Variants in GPHN observed in about 807,000 individuals in gnomAD.
The protein encoded by GPHN is gephyrin.
GPHN carries 17 observed loss-of-function variants against 95.5 expected under a neutral mutation model. The ratio of observed to expected loss-of-function variants is 0.18; its 90% CI spans 0.12 to 0.27. The LOEUF is 0.27. GPHN is among the 10% of genes least tolerant of loss of function. The probability of loss-of-function intolerance (pLI) is 1.00; values close to 1 mark genes in which losing one functional copy is unlikely to be tolerated. For missense variants in GPHN, 660 were observed against 978.1 expected, an observed-to-expected ratio of 0.67 and a Z score of 4.34; for synonymous variants, 320 against 322.5, an observed-to-expected ratio of 0.99 and a Z score of 0.08.
intron 18 of GPHN, among the ~76,000 whole-genome samples, chr14:67,144,151 C>T (rs1487039844): frequency 2.0e-5 from 3 of 147,614 alleles, no homozygotes; most frequent in East Asian, 2.0e-4. Context: ...GTGGGAGGAT[C>T]GCTTGAGCCT....
At chr14:67,052,238 G>A (rs1034118480) in intron 10 of GPHN, among the ~76,000 whole-genome samples, 1 of 151,958 alleles carries the variant, frequency 6.6e-6, no homozygotes, top group African/African-American at 2.4e-5. Flanking sequence ...GACACACATA[G>A]GCTCAAAATA....
intron 5 of GPHN, among the ~76,000 whole-genome samples, chr14:66,914,204 A>G (rs1202496319): frequency 6.6e-6 from 1 of 152,176 alleles, no homozygotes; most frequent in African/African-American, 2.4e-5. Context: ...TAAGGTGTCA[A>G]CCTAGAGCAA....
chr14:66,981,960 T>G (rs1311386465), intron 9 of GPHN, among the ~76,000 whole-genome samples: 2 of 152,122 alleles, frequency 1.3e-5, no homozygotes, highest in African/African-American at 2.4e-5. Flanking sequence ...ACACAAAATA[T>G]ACAACATTTT....
chr14:67,000,236 G>A (rs563644711), intron 9 of GPHN, among the ~76,000 whole-genome samples: 2 of 151,752 alleles, frequency 1.3e-5, no homozygotes, highest in Admixed American at 6.6e-5. Context: ...GCAAACAGAA[G>A]TTTCAGTTAA....
intron 9 of GPHN, among the ~76,000 whole-genome samples, chr14:66,996,893 A>AT (rs146590994): frequency 0.051 from 7,743 of 152,130 alleles, 222 homozygotes; most frequent in Middle Eastern, 0.068. Context: ...AGGAGGTTTA[A>AT]TTTTTTATCC....
chr14:66,565,990 C>G lies in GPHN; in HGVS notation c.64+57399C>G, dbSNP rs550785846. Among the ~76,000 whole-genome samples, 14 of 147,798 alleles carry G rather than the reference C, an allele frequency of 9.5e-5. No homozygotes were observed. The East Asian group carries it at 2.0e-3, about 21-fold the overall frequency. On this transcript the variant is annotated intron_variant, in intron 1 of 22. Coordinates refer to ENST00000478722, the MANE Select transcript of GPHN (RefSeq NM_020806.5). Reference sequence around the variant, plus strand: ...ATTCTTTTTTTTTTTTGCTTTCTATCTATTCATTTTAAGATCTTCTGTTTC... The same window carrying G: ...ATTCTTTTTTTTTTTTGCTTTCTATGTATTCATTTTAAGATCTTCTGTTTC...
At chr14:67,010,105 T>A (rs1567208828) in intron 9 of GPHN, among the ~76,000 whole-genome samples, 1 of 151,936 alleles carries the variant, frequency 6.6e-6, no homozygotes, top group Non-Finnish European at 1.5e-5. Context: ...ATACATTCAG[T>A]AAAGAATATA....
chr14:67,366,045 G>A, the GPHN span, among the ~76,000 whole-genome samples: 3 of 150,758 alleles, frequency 2.0e-5, no homozygotes, highest in South Asian at 4.2e-4. Flanking sequence ...TCACATCACT[G>A]TCCTAGTAGT....
At chr14:67,266,869 G>A in the GPHN span, among the ~76,000 whole-genome samples, 1 of 151,968 alleles carries the variant, frequency 6.6e-6, no homozygotes, top group Admixed American at 6.5e-5. Context: ...CAGCATGTTG[G>A]GAGGCCGAGG....
At chr14:66,984,867 C>T (rs993888137) in intron 9 of GPHN, among the ~76,000 whole-genome samples, 1 of 151,594 alleles carries the variant, frequency 6.6e-6, no homozygotes, top group African/African-American at 2.4e-5. Flanking sequence ...TTTATTGCCT[C>T]CCTCTTTATC....
intron 8 of GPHN, among the ~76,000 whole-genome samples, chr14:66,959,984 A>C (rs1315524171): frequency 6.6e-6 from 1 of 151,836 alleles, no homozygotes; most frequent in Non-Finnish European, 1.5e-5. Flanking sequence ...AGATAATGTT[A>C]ATCACCTTAT....
At chr14:67,471,921 G>A in the GPHN span, 58,394 of 152,216 alleles carry the variant, frequency 0.38, 12,031 homozygotes, top group African/African-American at 0.53. Flanking sequence ...GTACCATGGG[G>A]TGGGCCACTT....
chr14:67,189,482 G>T, the GPHN span: 11 of 152,300 alleles, frequency 7.2e-5, no homozygotes, highest in Middle Eastern at 0.01. Flanking sequence ...AAAGAAATGT[G>T]AAAAGAGTGG....
chr14:67,240,336 T>C, the GPHN span, among the ~76,000 whole-genome samples: 1 of 152,002 alleles, frequency 6.6e-6, no homozygotes, highest in East Asian at 1.9e-4. Flanking sequence ...GTGAAAGAGC[T>C]TGAAAATCAG....
the GPHN span, chr14:67,678,241 A>C: frequency 1.0e-6 from 1 of 970,200 alleles, no homozygotes; most frequent in East Asian, 2.4e-5. Flanking sequence ...GGTTTTGAAA[A>C]CCTTGAAGGA....
At chr14:66,591,939 T>C (rs2061666460) in intron 1 of GPHN, among the ~76,000 whole-genome samples, 1 of 152,092 alleles carries the variant, frequency 6.6e-6, no homozygotes, top group South Asian at 2.1e-4. Context: ...AAACAGCATG[T>C]TACTGGTACC....
At chr14:67,552,766 C>CAA in the GPHN span, among the ~76,000 whole-genome samples, 15,454 of 141,290 alleles carry the variant, frequency 0.11, 923 homozygotes, top group East Asian at 0.2. Flanking sequence ...GACTCTGTCT[C>CAA]AAAAAAAAAA....
At chr14:67,282,774 G>A in the GPHN span, among the ~76,000 whole-genome samples, 1 of 152,022 alleles carries the variant, frequency 6.6e-6, no homozygotes, top group Non-Finnish European at 1.5e-5. Context: ...TATTGTCTTT[G>A]TTCTCTTTCA....
At position 66,893,277 on chromosome 14, in the gene GPHN, A is replaced by G. The variant is rs2064624223; in HGVS notation, c.389+13244A>G. 2.0e-5 allele frequency among the ~76,000 whole-genome samples: 3 copies of G among 152,274 alleles called. No homozygotes were observed. The South Asian group carries it at 6.2e-4, about 32-fold the overall frequency. On this transcript the variant is annotated intron_variant, in intron 5 of 22. Coordinates refer to ENST00000478722, the MANE Select transcript of GPHN (RefSeq NM_020806.5). ...AAGACAGGTGATTTCTGCATTTCCA[A>G]CTGAGGTACCGGGTTCATCTCACTG...
Sources: gnomAD v4.1 joint callset for allele counts (sites outside exome capture counted in the v4.1 genomes callset) on GRCh38, gnomAD v4.1.1 for gene constraint, MANE v1.5 for transcripts, NCBI Gene and HGNC (gene_info 2026-07-23, HGNC 2026-07-21) for gene names.